RAB6A: variants seen among roughly 807,000 people sequenced by gnomAD.
RAB6A encodes RAB6A, member RAS oncogene family, also known as ras-related protein Rab-6A.
RAB6A carries 8 observed loss-of-function variants against 32.3 expected under a neutral mutation model. The observed-to-expected ratio is 0.25, with a 90% CI of 0.15 to 0.45. The LOEUF is 0.45. Ranked by LOEUF, RAB6A falls within the 20% of genes least tolerant of loss-of-function variation. The pLI is 1.00. For missense variants in RAB6A, 104 were observed against 249.4 expected, an observed-to-expected ratio of 0.42 and a Z score of 3.93; for synonymous variants, 73 against 82.1, an observed-to-expected ratio of 0.89 and a Z score of 0.60.
At chr11:73,709,961 A>ATTTT (rs776254550) in intron 5 of RAB6A, among the ~76,000 whole-genome samples, 5 of 81,758 alleles carry the variant, frequency 6.1e-5, no homozygotes, top group Non-Finnish European at 1.4e-4. Flanking sequence ...ATATATATAT[A>ATTTT]TTTTTTTTTT....
chr11:73,721,542 G>C (rs933959778), intron 2 of RAB6A, among the ~76,000 whole-genome samples: 1 of 151,648 alleles, frequency 6.6e-6, no homozygotes, highest in Non-Finnish European at 1.5e-5. Context: ...AATAATAAGA[G>C]AATAGAAAGA....
chr11:73,739,263 T>TTAAAAAAAAA lies in RAB6A; in HGVS notation c.71-8441_71-8440insTTTTTTTTTA, dbSNP rs1555066890. Among the ~76,000 whole-genome samples, 80 of 9,378 alleles carry TTAAAAAAAAA rather than the reference T, an allele frequency of 8.5e-3. 4 individuals are homozygous for TTAAAAAAAAA. Among genetic ancestry groups the TTAAAAAAAAA allele is most frequent in the Non-Finnish European group, 9.7e-3 (52 of 5,344 alleles). 6.2% of individuals were successfully genotyped at this position (9,378 alleles called of 152,430 possible). On this transcript the variant is annotated intron_variant, in intron 1 of 7. Transcript: ENST00000336083. Reference sequence around the variant, plus strand: ...GCAAAAAAAAAATAGTAATAATAATTAAAAAAAAAAAAAAAAAAAAAATAT... The same window carrying TTAAAAAAAAA: ...GCAAAAAAAAAATAGTAATAATAATTTAAAAAAAAAAAAAAAAAAAAAAAAAAAAAAATAT...
At chr11:73,693,258 G>A (rs965045872) in intron 6 of RAB6A, among the ~76,000 whole-genome samples, 2 of 151,550 alleles carry the variant, frequency 1.3e-5, no homozygotes, top group Non-Finnish European at 2.9e-5. Context: ...ACTGTACTCC[G>A]GCCTGGATGA....
At chr11:73,712,261 CCAAT>C (rs1385759846) in intron 5 of RAB6A, among the ~76,000 whole-genome samples, 2 of 152,162 alleles carry the variant, frequency 1.3e-5, no homozygotes, top group Non-Finnish European at 2.9e-5. Flanking sequence ...ACCAGTTACT[CCAAT>C]CAATTTATTA....
chr11:73,698,707 A>G (rs1490459036), intron 6 of RAB6A, among the ~76,000 whole-genome samples: 1 of 152,136 alleles, frequency 6.6e-6, no homozygotes, highest in African/African-American at 2.4e-5. Context: ...ATTTTAAGTG[A>G]ACGTTCATGG....
At chr11:73,726,663 C>T (rs897220796) in intron 2 of RAB6A, among the ~76,000 whole-genome samples, 24 of 132,678 alleles carry the variant, frequency 1.8e-4, no homozygotes, top group African/African-American at 6.8e-4. Flanking sequence ...GTGGGAGAAT[C>T]GCTTGAGCCT....
chr11:73,753,720 CA>C (rs928203960), intron 1 of RAB6A, among the ~76,000 whole-genome samples: 2 of 149,428 alleles, frequency 1.3e-5, no homozygotes, highest in African/African-American at 2.5e-5. Context: ...GAAAAAAAAA[CA>C]AAAAAACAAA....
intron 1 of RAB6A, among the ~76,000 whole-genome samples, chr11:73,739,860 C>T (rs1946466925): frequency 1.3e-5 from 2 of 151,984 alleles, no homozygotes; most frequent in Non-Finnish European, 2.9e-5. Flanking sequence ...ATGGAGACCA[C>T]CACCCTGGCT....
At chr11:73,678,794 C>T (rs1425217238) in intron 7 of RAB6A, among the ~76,000 whole-genome samples, 2 of 150,428 alleles carry the variant, frequency 1.3e-5, no homozygotes, top group Non-Finnish European at 3.0e-5. Flanking sequence ...GGCGTGATCT[C>T]GGCTCACTGC....
rs56270679 is a variant in RAB6A, at chr11:73,685,885, C to CAAAAAAAAAAAAAAA, written c.496-6180_496-6166dup. 4.4e-4 allele frequency among the ~76,000 whole-genome samples: 45 copies of CAAAAAAAAAAAAAAA among 103,026 alleles called. 1 individual carries two copies. The highest frequency in any genetic ancestry group is 5.3e-4 in the Non-Finnish European group (29 of 55,148). 67.6% of individuals were successfully genotyped at this position (103,026 alleles called of 152,430 possible). On this transcript the variant is annotated intron_variant, in intron 6 of 7. Transcript: ENST00000336083. ...AGGCAACAAGAGTGAAACTCCGTCT[C>CAAAAAAAAAAAAAAA]AAAAAAAAAAAAAAAAAAAAAAAGC...
rs12808924 is a variant in RAB6A, at chr11:73,739,323, G to A, written c.71-8500C>T. 6.6e-3 allele frequency among the ~76,000 whole-genome samples: 357 copies of A among 54,258 alleles called. 6 individuals carry two copies. The highest frequency in any genetic ancestry group is 0.021 in the African/African-American group (331 of 15,474). 35.6% of individuals were successfully genotyped at this position (54,258 alleles called of 152,430 possible). On this transcript the variant is annotated intron_variant, in intron 1 of 7. Coordinates refer to ENST00000336083, the MANE Select transcript of RAB6A (RefSeq NM_198896.2). ...TATATATAAATACTGGAACACCAAAGATAACTAAAAAGTAAACTAAAAAAT... is the reference window on the plus strand; with the variant it reads ...TATATATAAATACTGGAACACCAAAAATAACTAAAAAGTAAACTAAAAAAT...
intron 1 of RAB6A, among the ~76,000 whole-genome samples, chr11:73,734,013 A>G (rs1197966547): frequency 6.6e-6 from 1 of 152,180 alleles, no homozygotes; most frequent in Admixed American, 6.5e-5. Context: ...AAAAGTGTAT[A>G]TATGTATGTG....
chr11:73,714,209 A>C (rs1917744), intron 5 of RAB6A, among the ~76,000 whole-genome samples: 4 of 57,578 alleles, frequency 6.9e-5, no homozygotes, highest in African/African-American at 2.5e-4. Context: ...AAAAAAAAAA[A>C]ATATATATAT....
At chr11:73,686,992 T>A (rs1404088458) in intron 6 of RAB6A, among the ~76,000 whole-genome samples, 1 of 151,680 alleles carries the variant, frequency 6.6e-6, no homozygotes, top group Non-Finnish European at 1.5e-5. Context: ...TATATGTAAA[T>A]ATATATTATA....
chr11:73,678,915 A>G (rs1010912611), intron 7 of RAB6A, among the ~76,000 whole-genome samples: 2 of 151,756 alleles, frequency 1.3e-5, no homozygotes, highest in African/African-American at 2.4e-5. Flanking sequence ...TAGTAGAGAC[A>G]AGGTTTCTCC....
At chr11:73,708,040 T>C (rs1274139271) in intron 5 of RAB6A, among the ~76,000 whole-genome samples, 1 of 152,230 alleles carries the variant, frequency 6.6e-6, no homozygotes, top group Admixed American at 6.5e-5. Flanking sequence ...GCTCCTATAA[T>C]TTATATAACC....
chr11:73,740,929 C>T (rs1306019212), intron 1 of RAB6A, among the ~76,000 whole-genome samples: 1 of 151,472 alleles, frequency 6.6e-6, no homozygotes, highest in East Asian at 1.9e-4. Context: ...CCTGTACAGT[C>T]GTATTTAAAA....
intron 1 of RAB6A, among the ~76,000 whole-genome samples, chr11:73,733,324 A>C (rs1294805588): frequency 6.6e-6 from 1 of 152,144 alleles, no homozygotes; most frequent in African/African-American, 2.4e-5. Context: ...TGAGGCAGGC[A>C]GATCACCTGA....
At chr11:73,699,767 CCA>C (rs1245889339) in intron 6 of RAB6A, among the ~76,000 whole-genome samples, 3 of 152,132 alleles carry the variant, frequency 2.0e-5, no homozygotes, top group Non-Finnish European at 4.4e-5. Flanking sequence ...GTCTAGCGTG[CCA>C]CACTTGATAC....
Sources: gnomAD v4.1 joint callset for allele counts (sites outside exome capture counted in the v4.1 genomes callset) on GRCh38, gnomAD v4.1.1 for gene constraint, MANE v1.5 for transcripts, NCBI Gene and HGNC (gene_info 2026-07-23, HGNC 2026-07-21) for gene names.